The following NPHP4 variants were observed in gnomAD, a reference collection of about 807,000 sequenced individuals.
NPHP4 encodes nephrocystin-4.
Under a neutral mutation model 155.8 loss-of-function variants are expected in NPHP4, and 151 were observed. The observed-to-expected ratio is 0.97, with a 90% confidence interval of 0.85 to 1.11. The LOEUF is 1.11. Ranked by LOEUF, NPHP4 falls within the 50% of genes least tolerant of loss-of-function variation. The pLI is 0.00. For missense variants in NPHP4, 1,956 were observed against 1,925.7 expected, an observed-to-expected ratio of 1.02 and a Z score of -0.29; for synonymous variants, 845 against 816.8, an observed-to-expected ratio of 1.03 and a Z score of -0.59.
At chr1:5,879,871 A>ATGCACACACAGACACGCACACG (rs1643074835) in intron 19 of NPHP4, among the ~76,000 whole-genome samples, 1 of 150,612 alleles carries the variant, frequency 6.6e-6, no homozygotes, top group African/African-American at 2.5e-5. Context: ...GCACACACAC[A>ATGCACACACAGACACGCACACG]TGCACACACA....
Position 5,952,721 on chromosome 1 carries a change from G to A in NPHP4, c.789C>T (p.His263=), listed in dbSNP as rs760440073. The change falls in exon 7 of 30, where the codon CAC becomes CAT. Residue 263 remains histidine, a synonymous_variant. Coordinates refer to ENST00000378156, the MANE Select transcript of NPHP4 (RefSeq NM_015102.5). The stretch of plus-strand genomic sequence containing the variant: ...ACACCTCCTGGAAGTGGTCCTGGAC[G>A]TGGAGCTCCAGCAGCTCTTCCTCAA... ...EKFEEELLEL[H]VQDHFQEGCG... is the part of the protein sequence containing the mutation. 18 of 1,555,036 alleles carry A rather than the reference G, an allele frequency of 1.2e-5. No individual in the cohort carries two copies. Among genetic ancestry groups the A allele is most frequent in the South Asian group, 3.6e-5 (3 of 84,384 alleles).
At position 5,969,099 on chromosome 1, in the gene NPHP4, G is replaced by A. The variant is rs752406788; in HGVS notation, c.440C>T (p.Ser147Phe). ...SNQPDSPISA[S>F]QDKRLRLYHG... Reference sequence around the variant, plus strand: ...ACAAGGCAGGTACCTTTTGTCCTGGGAAGCAGAGATAGGAGAGTCCGGCTG... The same window carrying A: ...ACAAGGCAGGTACCTTTTGTCCTGGAAAGCAGAGATAGGAGAGTCCGGCTG... Residue 147 changes from serine (S) to phenylalanine (F), a missense_variant, in exon 4 of 30, where the codon TCC becomes TTC. Coordinates refer to ENST00000378156, the MANE Select transcript of NPHP4 (RefSeq NM_015102.5). 1.3e-6 allele frequency: 2 copies of A among 1,549,940 alleles called. No individual in the cohort carries two copies. Among genetic ancestry groups the A allele is most frequent in the African/African-American group, 2.7e-5 (2 of 72,918 alleles).
chr1:5,976,640 A>G (rs1192298866), intron 3 of NPHP4, among the ~76,000 whole-genome samples: 1 of 152,194 alleles, frequency 6.6e-6, no homozygotes, highest in Non-Finnish European at 1.5e-5. Context: ...AGGTATTTGC[A>G]TTAGCTGTTT....
chr1:5,872,403 G>A (rs149281580), intron 23 of NPHP4, among the ~76,000 whole-genome samples: 34 of 152,308 alleles, frequency 2.2e-4, no homozygotes, highest in African/African-American at 7.7e-4. Context: ...TCCTCCCAAC[G>A]GTTTTGGCAA....
chr1:5,888,453 G>A (rs530180995), intron 17 of NPHP4: 8 of 1,160,106 alleles, frequency 6.9e-6, no homozygotes, highest in Non-Finnish European at 6.5e-6. Flanking sequence ...GGAGTGAGAC[G>A]CCAGACCTGA....
Position 5,914,257 on chromosome 1 carries a change from CAAAAAAAAAAAAAAAAA to C in NPHP4, c.1442-5061_1442-5045del, listed in dbSNP as rs575438284. Among the ~76,000 whole-genome samples the C allele has an allele frequency of 1.8e-3, 83 of 47,404 alleles. 2 individuals carry two copies. In the Middle Eastern group the frequency reaches 0.074, roughly 42 times the overall value. The allele number at this position is 47,404 out of a possible 152,430, so 31.1% of individuals were successfully genotyped here. On this transcript the variant is annotated intron_variant, in intron 11 of 29. Transcript: ENST00000378156. ...GCAACATGGCAAAATCTTATCTATA[CAAAAAAAAAAAAAAAAA>C]AAAAAAAAAAAAGGCCTGGTGTGGT...
At chr1:5,891,768 G>A (rs985190669) in intron 16 of NPHP4, among the ~76,000 whole-genome samples, 9 of 152,284 alleles carry the variant, frequency 5.9e-5, no homozygotes, top group East Asian at 5.8e-4. Flanking sequence ...AGGAAGGAGC[G>A]AAGGTTTACT....
intron 23 of NPHP4, chr1:5,868,175 T>C: frequency 1.9e-6 from 1 of 516,016 alleles, no homozygotes; most frequent in Non-Finnish European, 3.6e-6. Flanking sequence ...GCACACTTCT[T>C]AAATGCCAGT....
intron 12 of NPHP4, among the ~76,000 whole-genome samples, chr1:5,907,694 C>T (rs989873620): frequency 7.1e-5 from 7 of 98,346 alleles, no homozygotes; most frequent in Admixed American, 3.0e-4. Flanking sequence ...CCCGTGCCAA[C>T]GTGGCATTAC....
chr1:5,927,920 G>T, intron 10 of NPHP4, 133 bp from the exon 11 acceptor site: 1 of 914,998 alleles, frequency 1.1e-6, no homozygotes, highest in Non-Finnish European at 1.6e-6. Flanking sequence ...GATGCCACAT[G>T]TTCTCAGATT....
In NPHP4 at chr1:5,877,314, A is replaced by G. The variant is rs1278582678; in HGVS notation, c.2612-16T>C. The G allele has an allele frequency of 4.5e-6, 7 of 1,569,530 alleles. No individual in the cohort carries two copies. The highest frequency in any genetic ancestry group is 5.2e-6 in the Non-Finnish European group (6 of 1,148,880). On this transcript the variant is annotated splice_polypyrimidine_tract_variant and intron_variant, in intron 19 of 29. Transcript: ENST00000378156. ...ACGTGTTTTCCTGCGAAAGGGTCAG[A>G]GCGCGAGTCAGGTAGACGTGCAGTG...
chr1:5,970,640 G>A (rs1469799358), intron 3 of NPHP4, among the ~76,000 whole-genome samples: 1 of 152,054 alleles, frequency 6.6e-6, no homozygotes, highest in Non-Finnish European at 1.5e-5. Flanking sequence ...ACCCCAGCTG[G>A]GGGGCAAAGC....
intron 18 of NPHP4, among the ~76,000 whole-genome samples, chr1:5,886,247 C>G (rs2100835990): frequency 6.6e-6 from 1 of 152,308 alleles, no homozygotes; most frequent in Non-Finnish European, 1.5e-5. Context: ...TTGCTGTGTC[C>G]ATATTGTCTA....
At chr1:5,880,465 G>A in intron 18 of NPHP4, 1 of 520,334 alleles carries the variant, frequency 1.9e-6, no homozygotes, top group Non-Finnish European at 3.5e-6. Context: ...CGTGTCAGTG[G>A]CAGCCTCCGT....
chr1:5,938,909 T>C (rs1376586583), intron 9 of NPHP4, among the ~76,000 whole-genome samples: 1 of 152,212 alleles, frequency 6.6e-6, no homozygotes, highest in Non-Finnish European at 1.5e-5. Flanking sequence ...ACACCACGCA[T>C]AGGAATGTTA....
chr1:5,925,181 A>T (rs1184970372), intron 11 of NPHP4, among the ~76,000 whole-genome samples: 1 of 152,220 alleles, frequency 6.6e-6, no homozygotes, highest in East Asian at 1.9e-4. Flanking sequence ...CCTTGGATTG[A>T]AAATATTTTT....
intron 16 of NPHP4, among the ~76,000 whole-genome samples, chr1:5,894,198 T>C (rs1162026141): frequency 6.6e-6 from 1 of 152,176 alleles, no homozygotes; most frequent in African/African-American, 2.4e-5. Context: ...CTCCATAAAG[T>C]AGAAATACTA....
intron 3 of NPHP4, among the ~76,000 whole-genome samples, chr1:5,975,390 C>G (rs755189552): frequency 3.9e-5 from 6 of 152,210 alleles, no homozygotes; most frequent in Non-Finnish European, 8.8e-5. Flanking sequence ...CAGCTGCAGA[C>G]AGCAGGCTCC....
At chr1:5,904,496 T>G in intron 16 of NPHP4, 121 bp downstream of exon 16, 1 of 739,040 alleles carries the variant, frequency 1.4e-6, no homozygotes, top group Non-Finnish European at 2.1e-6. Flanking sequence ...GGTCACCGTA[T>G]GATTCTAATG....
Sources: gnomAD v4.1 joint callset for allele counts (sites outside exome capture counted in the v4.1 genomes callset) on GRCh38, gnomAD v4.1.1 for gene constraint, MANE v1.5 for transcripts, NCBI Gene and HGNC (gene_info 2026-07-23, HGNC 2026-07-21) for gene names.